PTPRE: variants seen among roughly 807,000 people sequenced by gnomAD.
PTPRE encodes protein tyrosine phosphatase receptor type E.
A neutral mutation model predicts 102.0 loss-of-function variants in PTPRE; 51 were observed. That is an observed-to-expected ratio of 0.50 (90% confidence interval 0.40 to 0.63). The LOEUF (loss-of-function observed/expected upper bound fraction) is 0.63. PTPRE is among the 30% of genes least tolerant of loss of function. The probability of loss-of-function intolerance (pLI) is 0.00; values close to 1 mark genes in which losing one functional copy is unlikely to be tolerated. For missense variants in PTPRE, 752 were observed against 915.1 expected, an observed-to-expected ratio of 0.82 and a Z score of 2.30; for synonymous variants, 345 against 348.2, an observed-to-expected ratio of 0.99 and a Z score of 0.10.
rs1486021690 is a variant in PTPRE, at chr10:127,907,240, G to A, written c.-100G>A. On this transcript the variant is annotated 5_prime_UTR_variant, in exon 1 of 21. Transcript: ENST00000254667. The surrounding 1 kb of genome is among the most constrained non-coding windows in gnomAD (Gnocchi z 4.8). Reference sequence around the variant, plus strand: ...ACAGCCGGGCGCCCCGGAGGGCGGCGGGCAGGCGCCCGGGAGATGCGGAGC... The same window carrying A: ...ACAGCCGGGCGCCCCGGAGGGCGGCAGGCAGGCGCCCGGGAGATGCGGAGC... The A allele has an allele frequency of 3.0e-6, 3 of 984,370 alleles. No homozygotes were observed. Among genetic ancestry groups the A allele is most frequent in the South Asian group, 4.7e-5 (1 of 21,290 alleles). 61.0% of individuals were successfully genotyped at this position (984,370 alleles called of 1,614,324 possible).
chr10:127,961,349 G>T (rs1738433893), intron 1 of PTPRE, among the ~76,000 whole-genome samples: 1 of 152,148 alleles, frequency 6.6e-6, no homozygotes, highest in Admixed American at 6.5e-5. Context: ...GGCTTGTTGG[G>T]GAGGTGTTGT....
Position 128,069,728 on chromosome 10 carries a change from C to T in PTPRE, c.1044C>T (p.Ile348=), listed in dbSNP as rs779391135. The T allele has an allele frequency of 5.0e-6, 8 of 1,614,060 alleles. No individual in the cohort carries two copies. Among genetic ancestry groups the T allele is most frequent in the Middle Eastern group, 1.6e-4 (1 of 6,084 alleles). The change falls in exon 13 of 21, where the codon ATC becomes ATT. Residue 348 remains isoleucine (I), a synonymous_variant. Transcript: ENST00000254667. ...GCCGGACGGGCACCTTCATTGTGAT[C>T]GATGCCATGATGGCCATGATGCACG... ...GVGRTGTFIV[I]DAMMAMMHAE... is the part of the protein sequence containing the mutation.
intron 2 of PTPRE, among the ~76,000 whole-genome samples, chr10:127,988,582 G>C (rs144099917): frequency 2.6e-5 from 4 of 152,194 alleles, no homozygotes; most frequent in Admixed American, 1.3e-4. Flanking sequence ...TGGGATTACA[G>C]GCATGAGCCA....
At chr10:128,080,540 G>A (rs759363714) in intron 20 of PTPRE, among the ~76,000 whole-genome samples, 4 of 152,214 alleles carry the variant, frequency 2.6e-5, no homozygotes, top group Non-Finnish European at 4.4e-5. Context: ...CTAAGCAGTA[G>A]CATACAGAGC....
At chr10:128,064,752 A>G (rs1419143050) in intron 10 of PTPRE, among the ~76,000 whole-genome samples, 2 of 152,132 alleles carry the variant, frequency 1.3e-5, no homozygotes, top group South Asian at 2.1e-4. Flanking sequence ...CCGCGTCCTC[A>G]TTCTCACCAA....
chr10:127,964,801 G>C (rs1850113590), intron 1 of PTPRE: 2 of 254,858 alleles, frequency 7.8e-6, no homozygotes, highest in Admixed American at 5.0e-5. Context: ...CTGCACCAGT[G>C]AATGCCATGA....
chr10:128,051,246 T>C (rs1848543012), intron 6 of PTPRE, among the ~76,000 whole-genome samples: 1 of 152,146 alleles, frequency 6.6e-6, no homozygotes, highest in African/African-American at 2.4e-5. Flanking sequence ...AGGGGGCCAC[T>C]CCCAGGGAGG....
At chr10:128,019,930 G>T (rs983999955) in intron 2 of PTPRE, among the ~76,000 whole-genome samples, 10 of 152,346 alleles carry the variant, frequency 6.6e-5, no homozygotes, top group South Asian at 6.2e-4. Context: ...TACAGTGATT[G>T]TTATTAAGTT....
rs934552600 is a variant in PTPRE at position 128,085,316 on chromosome 10, T to C, written c.*2410T>C. On this transcript the variant is annotated 3_prime_UTR_variant, in exon 21 of 21. Transcript: ENST00000254667. The stretch of plus-strand genomic sequence containing the variant: ...TTTCCTTCAGTCAAAGAAAGTCCAT[T>C]GTACATAACAAAACAGCCCCCAAAC... 3.3e-6 allele frequency: 1 copy of C among 306,526 alleles called. No homozygotes were observed. The highest frequency in any genetic ancestry group is 2.2e-5 in the African/African-American group (1 of 46,102). The allele number at this position is 306,526 out of a possible 1,614,324, so 19.0% of individuals were successfully genotyped here.
chr10:127,985,898 C>G (rs1012590786), intron 2 of PTPRE, among the ~76,000 whole-genome samples: 1 of 152,140 alleles, frequency 6.6e-6, no homozygotes, highest in African/African-American at 2.4e-5. Context: ...CAAGACCAGC[C>G]TGGCCAACAT....
At chr10:128,009,728 G>A (rs1385471445) in intron 2 of PTPRE, among the ~76,000 whole-genome samples, 2 of 152,232 alleles carry the variant, frequency 1.3e-5, no homozygotes, top group Admixed American at 1.3e-4. Flanking sequence ...AGTCATTTAG[G>A]TTTTAAAACT....
At chr10:128,007,847 C>T (rs1038036655) in intron 2 of PTPRE, among the ~76,000 whole-genome samples, 1 of 152,226 alleles carries the variant, frequency 6.6e-6, no homozygotes, top group African/African-American at 2.4e-5. Flanking sequence ...TGATCAGCAT[C>T]CGCATCTTGA....
At chr10:128,043,139 G>A (rs1047134724) in intron 3 of PTPRE, among the ~76,000 whole-genome samples, 1 of 152,126 alleles carries the variant, frequency 6.6e-6, no homozygotes, top group South Asian at 2.1e-4. Flanking sequence ...GAATTGGGGT[G>A]GGGGGTGGTT....
At position 127,907,145 on chromosome 10, in the gene PTPRE, C is replaced by G; in HGVS notation, c.-195C>G. On this transcript the variant is annotated 5_prime_UTR_variant, in exon 1 of 21. Coordinates refer to ENST00000254667, the MANE Select transcript of PTPRE (RefSeq NM_006504.6). This position sits in a 1 kb window ranked among gnomAD's most constrained non-coding sequence, Gnocchi z 4.8. ...GGCTGCGGACAGCGGGCGGCAGGAG[C>G]CGGCGCGAGCGGCTTCAGGAACCCA... The G allele has an allele frequency of 2.0e-6, 1 of 512,322 alleles. No homozygotes were observed. Among genetic ancestry groups the G allele is most frequent in the Non-Finnish European group, 2.5e-6 (1 of 398,184 alleles). The allele number at this position is 512,322 out of a possible 1,614,324, so 31.7% of individuals were successfully genotyped here.
At chr10:127,919,185 C>T (rs898594331) in intron 1 of PTPRE, among the ~76,000 whole-genome samples, 1 of 152,194 alleles carries the variant, frequency 6.6e-6, no homozygotes, top group Non-Finnish European at 1.5e-5. Context: ...CCCTTCAATG[C>T]ATTGTCTTCA....
At chr10:128,000,873 T>G (rs913816685) in intron 2 of PTPRE, among the ~76,000 whole-genome samples, 1 of 151,936 alleles carries the variant, frequency 6.6e-6, no homozygotes, top group Non-Finnish European at 1.5e-5. Flanking sequence ...CTCAGCAGTG[T>G]TCAGACACCT....
intron 2 of PTPRE, among the ~76,000 whole-genome samples, chr10:128,003,915 G>T (rs1461885276): frequency 1.3e-5 from 2 of 151,920 alleles, no homozygotes; most frequent in Non-Finnish European, 2.9e-5. Flanking sequence ...CACCCCATTG[G>T]CAACACCCCA....
rs1846444581 is a variant in PTPRE, at chr10:128,028,416, G to A, written c.-7-12459G>A. ...CGCCCCAGGCTGGAATTGCTGGGCCGTGATCTCCTCCATCTTTTCTTTCTC... is the reference window on the plus strand; with the variant it reads ...CGCCCCAGGCTGGAATTGCTGGGCCATGATCTCCTCCATCTTTTCTTTCTC... On this transcript the variant is annotated intron_variant, in intron 2 of 20. Transcript: ENST00000254667. The surrounding 1 kb of genome is among the most constrained non-coding windows in gnomAD (Gnocchi z 4.5). 6.6e-6 allele frequency among the ~76,000 whole-genome samples: 1 copy of A among 152,134 alleles called. No homozygotes were observed. Among genetic ancestry groups the A allele is most frequent in the African/African-American group, 2.4e-5 (1 of 41,428 alleles).
intron 1 of PTPRE, among the ~76,000 whole-genome samples, chr10:127,972,835 G>A (rs567805154): frequency 5.3e-4 from 80 of 152,296 alleles, no homozygotes; most frequent in Non-Finnish European, 4.3e-4. Context: ...GGTTCTGCAG[G>A]TATGAGCAGA....
Sources: allele counts gnomAD v4.1 joint callset (sites outside exome capture counted in the v4.1 genomes callset), GRCh38; gene constraint gnomAD v4.1.1; non-coding constraint Gnocchi (gnomAD v3.1); transcripts MANE v1.5; gene names NCBI Gene and HGNC (gene_info 2026-07-23, HGNC 2026-07-21).